RSPH14: variants seen among roughly 807,000 people sequenced by gnomAD.
The protein encoded by RSPH14 is radial spoke head 14 homolog.
In RSPH14, 20 loss-of-function variants were observed where a neutral mutation model predicts 26.7. The ratio of observed to expected loss-of-function variants is 0.75; its 90% CI spans 0.53 to 1.09. RSPH14 has a LOEUF of 1.09. Among genes scored for constraint, RSPH14 ranks in the 50% least tolerant of loss-of-function variants. The probability of loss-of-function intolerance (pLI) is 0.00; values close to 1 mark genes in which losing one functional copy is unlikely to be tolerated. For synonymous variants in RSPH14, 177 were observed against 189.3 expected, an observed-to-expected ratio of 0.93 and a Z score of 0.53; for missense variants, 449 against 457.2, an observed-to-expected ratio of 0.98 and a Z score of 0.16.
chr22:23,091,205 C>T (rs138091473), intron 4 of RSPH14, among the ~76,000 whole-genome samples: 6 of 152,324 alleles, frequency 3.9e-5, no homozygotes, highest in Non-Finnish European at 7.3e-5. Context: ...CATGGATCTG[C>T]GCGTGCACAT....
the RSPH14 span, chr22:23,158,195 T>A: frequency 1.4e-6 from 2 of 1,477,302 alleles, no homozygotes; most frequent in Non-Finnish European, 1.8e-6. Context: ...GACTACTTAC[T>A]GTCCAACTGC....
At chr22:23,176,484 G>T in the RSPH14 span, among the ~76,000 whole-genome samples, 1 of 152,120 alleles carries the variant, frequency 6.6e-6, no homozygotes, top group African/African-American at 2.4e-5. Flanking sequence ...TAGGGCTAGA[G>T]GCCTTTGCAG....
chr22:23,146,624 C>A (rs1299614177), upstream of RSPH14: 1 of 1,614,052 alleles, frequency 6.2e-7, no homozygotes, highest in East Asian at 2.2e-5. Flanking sequence ...AGAATGAGGT[C>A]CTCCCTGACA....
At chr22:23,121,776 C>A (rs554188640) in intron 4 of RSPH14, among the ~76,000 whole-genome samples, 14 of 147,374 alleles carry the variant, frequency 9.5e-5, no homozygotes, top group Admixed American at 8.2e-4. Flanking sequence ...GACTGGAGTG[C>A]AGTGGCATGA....
intron 4 of RSPH14, among the ~76,000 whole-genome samples, chr22:23,081,849 G>A (rs1265861285): frequency 4.9e-5 from 7 of 143,906 alleles, no homozygotes; most frequent in Non-Finnish European, 9.1e-5. Context: ...AAAAAGGCCA[G>A]GCGCAGTGGC....
At chr22:23,069,444 T>A (rs560347494) in intron 4 of RSPH14, among the ~76,000 whole-genome samples, 1 of 152,370 alleles carries the variant, frequency 6.6e-6, no homozygotes, top group South Asian at 2.1e-4. Context: ...ACTGAGGGAC[T>A]CCTGGCCCTG....
the RSPH14 span, among the ~76,000 whole-genome samples, chr22:23,155,203 A>G: frequency 2.0e-5 from 3 of 152,180 alleles, no homozygotes; most frequent in Admixed American, 1.3e-4. Context: ...GAAAAGTTCA[A>G]TTTTGATCAG....
At chr22:23,162,617 C>T in the RSPH14 span, 1 of 456,268 alleles carries the variant, frequency 2.2e-6, no homozygotes, top group Non-Finnish European at 4.4e-6. Context: ...CCTCTCTGCC[C>T]AGTATGCTCA....
At position 23,104,304 on chromosome 22, in the gene RSPH14, C is replaced by T. The variant is rs911484570; in HGVS notation, c.421+29722G>A. 7.9e-5 allele frequency among the ~76,000 whole-genome samples: 12 copies of T among 152,168 alleles called. 1 individual carries two copies. The highest frequency in any genetic ancestry group is 3.9e-4 in the East Asian group (2 of 5,186). ...CCCAGGGTGGGTGTCGCTGCCTGAGCGCCCTGTGATGACGGAGCCAGGGTT... is the reference window on the plus strand; with the variant it reads ...CCCAGGGTGGGTGTCGCTGCCTGAGTGCCCTGTGATGACGGAGCCAGGGTT... On this transcript the variant is annotated intron_variant, in intron 4 of 6. Transcript: ENST00000216036.
At chr22:23,161,730 G>A in the RSPH14 span, 1 of 623,962 alleles carries the variant, frequency 1.6e-6, no homozygotes. Flanking sequence ...CCAGGGCACA[G>A]TCACTTGTCC....
intron 4 of RSPH14, among the ~76,000 whole-genome samples, chr22:23,084,566 G>T (rs974458170): frequency 6.6e-6 from 1 of 152,214 alleles, no homozygotes; most frequent in Admixed American, 6.5e-5. Flanking sequence ...AGCCACACTG[G>T]CCAGGATGAA....
the RSPH14 span, chr22:23,161,612 G>C: frequency 6.8e-7 from 1 of 1,474,160 alleles, no homozygotes; most frequent in Non-Finnish European, 9.3e-7. Flanking sequence ...ACACGGACAG[G>C]AATTTCCGTG....
intron 3 of RSPH14, among the ~76,000 whole-genome samples, chr22:23,136,609 T>G (rs945973788): frequency 7.2e-6 from 1 of 138,766 alleles, no homozygotes; most frequent in Admixed American, 7.7e-5. Context: ...AACAAATCCT[T>G]ACTACCATTC....
chr22:23,080,982 G>C (rs772887926), intron 4 of RSPH14, among the ~76,000 whole-genome samples: 1 of 152,212 alleles, frequency 6.6e-6, no homozygotes, highest in Non-Finnish European at 1.5e-5. Flanking sequence ...GTATCCCTTT[G>C]AGTCCGTTGT....
At chr22:23,158,133 C>G in the RSPH14 span, 2 of 1,569,908 alleles carry the variant, frequency 1.3e-6, no homozygotes, top group Non-Finnish European at 1.7e-6. Flanking sequence ...GGACCCTGAC[C>G]CCGTGGTGGG....
At chr22:23,158,994 A>G in the RSPH14 span, 3 of 1,613,170 alleles carry the variant, frequency 1.9e-6, no homozygotes, top group Non-Finnish European at 2.5e-6. Flanking sequence ...GCAGAGTGGC[A>G]CTGGTGGTCT....
chr22:23,123,758 T>TAC, intron 4 of RSPH14: 5 of 328,776 alleles, frequency 1.5e-5, no homozygotes, highest in Admixed American at 4.4e-5. Flanking sequence ...CTTCCTGAGT[T>TAC]GGCCCCACTC....
At chr22:23,126,738 C>T (rs1199915912) in intron 4 of RSPH14, among the ~76,000 whole-genome samples, 3 of 152,318 alleles carry the variant, frequency 2.0e-5, no homozygotes, top group Admixed American at 1.3e-4. Context: ...AGGGGAGGAC[C>T]TGGGGATGGC....
the RSPH14 span, among the ~76,000 whole-genome samples, chr22:23,150,816 C>G: frequency 1.3e-5 from 2 of 152,158 alleles, no homozygotes; most frequent in African/African-American, 4.8e-5. Context: ...TCTGACCCCC[C>G]ACTACCCTTG....
Sources: allele counts gnomAD v4.1 joint callset (sites outside exome capture counted in the v4.1 genomes callset), GRCh38; gene constraint gnomAD v4.1.1; transcripts MANE v1.5; gene names NCBI Gene and HGNC (gene_info 2026-07-23, HGNC 2026-07-21).